CEACAM3: variants seen among roughly 807,000 people sequenced by gnomAD.
CEACAM3 encodes the protein CEA cell adhesion molecule 3, also known as cell adhesion molecule CEACAM3.
Under a neutral mutation model 30.1 loss-of-function variants are expected in CEACAM3, and 32 were observed. The ratio of observed to expected loss-of-function variants is 1.06; its 90% CI spans 0.80 to 1.43. The LOEUF is 1.43. Ranked by LOEUF, CEACAM3 falls within the 40% of genes most tolerant of loss-of-function variation. CEACAM3 has a pLI of 0.00. For missense variants in CEACAM3, 290 were observed against 316.3 expected, an observed-to-expected ratio of 0.92 and a Z score of 0.63; for synonymous variants, 134 against 127.2, an observed-to-expected ratio of 1.05 and a Z score of -0.36.
intron 1 of CEACAM3, 102 bp from the exon 2 acceptor site, chr19:41,797,487 C>A: frequency 6.8e-7 from 1 of 1,461,216 alleles, no homozygotes; most frequent in South Asian, 1.3e-5. Context: ...CACATACACT[C>A]TCCAAGGCTG....
At position 41,796,598 on chromosome 19, in the gene CEACAM3, A is replaced by G; in HGVS notation, c.-80A>G. 2 of 1,531,684 alleles carry G rather than the reference A, an allele frequency of 1.3e-6. No individual in the cohort carries two copies. The highest frequency in any genetic ancestry group is 1.7e-5 in the Admixed American group (1 of 59,022). The allele number at this position is 1,531,684 out of a possible 1,614,324, so 94.9% of individuals were successfully genotyped here. A position where few individuals can be genotyped will look rare whatever the true frequency, so the allele number is the denominator to read the frequency against. ...GAAAGAGGAAGGACAGCAGAGCCTA[A>G]GTCACAGTAGCCCTGACTACAGCAT... is the stretch of plus-strand genomic sequence containing the variant. On this transcript the variant is annotated 5_prime_UTR_variant, in exon 1 of 7. Coordinates refer to ENST00000357396, the MANE Select transcript of CEACAM3 (RefSeq NM_001815.5).
At chr19:41,800,809 A>G (rs1287773510) in intron 2 of CEACAM3, among the ~76,000 whole-genome samples, 21 of 152,132 alleles carry the variant, frequency 1.4e-4, no homozygotes, top group Admixed American at 1.1e-3. Flanking sequence ...TTTGCTTTGT[A>G]TCCAATAAAT....
chr19:41,807,703 G>A, intron 2 of CEACAM3: 2 of 951,572 alleles, frequency 2.1e-6, no homozygotes, highest in Non-Finnish European at 2.7e-6. Context: ...GGACACTGTG[G>A]CTCTTCCACA....
intron 2 of CEACAM3, among the ~76,000 whole-genome samples, chr19:41,803,628 G>T (rs1401664295): frequency 1.3e-5 from 2 of 151,854 alleles, no homozygotes; most frequent in Non-Finnish European, 1.5e-5. Flanking sequence ...CACCATGCCC[G>T]GCTAATTTTT....
chr19:41,808,739 T>C lies in CEACAM3; in HGVS notation c.425-74T>C, dbSNP rs1158421870. 3.3e-6 allele frequency: 4 copies of C among 1,202,352 alleles called. No individual in the cohort carries two copies. The African/African-American group carries it at 6.1e-5, about 18-fold the overall frequency. 74.5% of individuals were successfully genotyped at this position (1,202,352 alleles called of 1,614,324 possible). Reference sequence around the variant, plus strand: ...CTCCTTCTTCCCTGACTGCACACCTTCCCTGCAAGGCCCCTGTGGTTTCCT... The same window carrying C: ...CTCCTTCTTCCCTGACTGCACACCTCCCCTGCAAGGCCCCTGTGGTTTCCT... On this transcript the variant is annotated intron_variant, in intron 2 of 6. Coordinates refer to ENST00000357396, the MANE Select transcript of CEACAM3 (RefSeq NM_001815.5).
Position 41,811,084 on chromosome 19 carries a change from C to T in CEACAM3, c.694-88C>T, listed in dbSNP as rs376899344. 6.9e-5 allele frequency: 100 copies of T among 1,446,032 alleles called. 3 individuals carry two copies. The East Asian group carries it at 7.1e-4, about 10-fold the overall frequency. The allele number at this position is 1,446,032 out of a possible 1,614,324, so 89.6% of individuals were successfully genotyped here. ...AGCACAGCCAGGTTCAGCCCCAGAG[C>T]AGCCCTGGATGGGCCCAGAGCCTGG... On this transcript the variant is annotated intron_variant, in intron 6 of 6. Transcript: ENST00000357396.
At chr19:41,806,382 C>T (rs1035645098) in intron 2 of CEACAM3, among the ~76,000 whole-genome samples, 13 of 151,970 alleles carry the variant, frequency 8.6e-5, no homozygotes, top group Non-Finnish European at 1.5e-4. Context: ...CCATGATATA[C>T]CTGGAAAGAA....
In CEACAM3 at chr19:41,796,797, G is replaced by C. The variant is rs1000710039; in HGVS notation, c.64+56G>C. ...AGGAGGGATCACAGAGAATGGCTGG[G>C]GTCTCCTGGGGAGGATGGGGCTCTG... On this transcript the variant is annotated intron_variant, in intron 1 of 6. Transcript: ENST00000357396. 1.9e-6 allele frequency: 3 copies of C among 1,559,128 alleles called. No individual in the cohort carries two copies. The East Asian group carries it at 6.8e-5, about 35-fold the overall frequency.
chr19:41,803,434 G>A (rs1428681292), intron 2 of CEACAM3, among the ~76,000 whole-genome samples: 1 of 140,770 alleles, frequency 7.1e-6, no homozygotes, highest in African/African-American at 2.5e-5. Flanking sequence ...GTATGTGTGT[G>A]TGTGTGTGTG....
At chr19:41,810,978 T>A in intron 6 of CEACAM3, 81 bp downstream of exon 6, 1 of 1,412,228 alleles carries the variant, frequency 7.1e-7, no homozygotes, top group Non-Finnish European at 9.9e-7. Flanking sequence ...GGCTGAGCTC[T>A]GAGATTCAGG....
chr19:41,809,778 C>G, intron 3 of CEACAM3, 187 bp from the exon 4 acceptor site: 1 of 652,872 alleles, frequency 1.5e-6, no homozygotes. Flanking sequence ...CTGCTCAGGA[C>G]AGATGTGGGT....
rs1393633155 is a variant in CEACAM3, at chr19:41,811,415, C to T, written c.*178C>T. 8 of 615,770 alleles carry T rather than the reference C, an allele frequency of 1.3e-5. No homozygotes were observed. The highest frequency in any genetic ancestry group is 7.4e-5 in the African/African-American group (4 of 54,360). 38.1% of individuals were successfully genotyped at this position (615,770 alleles called of 1,614,324 possible). On this transcript the variant is annotated 3_prime_UTR_variant, in exon 7 of 7. Transcript: ENST00000357396. ...GATGAATATCTGGAGACCTCGACAG[C>T]CTGCCCTAGGCCCTGGGTGGGTCAG...
At position 41,797,580 on chromosome 19, in the gene CEACAM3, C is replaced by G. The variant is rs550196605; in HGVS notation, c.65-9C>G. 1.2e-6 allele frequency: 2 copies of G among 1,608,034 alleles called. No homozygotes were observed. The highest frequency in any genetic ancestry group is 4.5e-5 in the East Asian group (2 of 44,832). On this transcript the variant is annotated splice_polypyrimidine_tract_variant and intron_variant, in intron 1 of 6. Coordinates refer to ENST00000357396, the MANE Select transcript of CEACAM3 (RefSeq NM_001815.5). ...GTCCCAATATTGACTGATGCTTTCT[C>G]CCTCCTAGCCTCACTTCTAAACTTC... is the stretch of plus-strand genomic sequence containing the variant.
At chr19:41,799,554 T>C (rs1429454117) in intron 2 of CEACAM3, among the ~76,000 whole-genome samples, 1 of 152,152 alleles carries the variant, frequency 6.6e-6, no homozygotes, top group Non-Finnish European at 1.5e-5. Context: ...AACCTAGAAC[T>C]AAATCCCTTG....
chr19:41,809,043 C>G (rs2073227534), intron 3 of CEACAM3, 113 bp downstream of exon 3: 2 of 746,756 alleles, frequency 2.7e-6, no homozygotes, highest in Non-Finnish European at 4.4e-6. Flanking sequence ...CCCAAGTCCC[C>G]AGGGATCCTT....
chr19:41,805,285 CTTTTTTT>C (rs782317671), intron 2 of CEACAM3, among the ~76,000 whole-genome samples: 2 of 105,054 alleles, frequency 1.9e-5, no homozygotes, highest in African/African-American at 7.2e-5. Context: ...CTTTTTTCTT[CTTTTTTT>C]TTTTTTTTTT....
At position 41,811,255 on chromosome 19, in the gene CEACAM3, T is replaced by G; in HGVS notation, c.*18T>G. 1 of 1,610,900 alleles carries G rather than the reference T, an allele frequency of 6.2e-7. No homozygotes were observed. The highest frequency in any genetic ancestry group is 1.1e-5 in the South Asian group (1 of 90,974). On this transcript the variant is annotated 3_prime_UTR_variant, in exon 7 of 7. Coordinates refer to ENST00000357396, the MANE Select transcript of CEACAM3 (RefSeq NM_001815.5). ...CTTCTTAGCTTCCTCCAGGAGCTGCTCCTGTGTGTTGATGGAGAGTCCCCA... is the reference window on the plus strand; with the variant it reads ...CTTCTTAGCTTCCTCCAGGAGCTGCGCCTGTGTGTTGATGGAGAGTCCCCA...
At position 41,796,669 on chromosome 19, in the gene CEACAM3, G is replaced by A. The variant is rs781926307; in HGVS notation, c.-9G>A. 6.2e-7 allele frequency: 1 copy of A among 1,614,200 alleles called. No homozygotes were observed. The highest frequency in any genetic ancestry group is 8.5e-7 in the Non-Finnish European group (1 of 1,180,012). The stretch of plus-strand genomic sequence containing the variant: ...TCCACAGAGGAGGAAAGAGCAGGCA[G>A]CAGAGACCATGGGGCCCCCCTCAGC... On this transcript the variant is annotated 5_prime_UTR_variant, in exon 1 of 7. Coordinates refer to ENST00000357396, the MANE Select transcript of CEACAM3 (RefSeq NM_001815.5).
chr19:41,803,744 GC>G (rs2073175391), intron 2 of CEACAM3, among the ~76,000 whole-genome samples: 2 of 85,290 alleles, frequency 2.3e-5, no homozygotes, highest in Non-Finnish European at 3.4e-5. Flanking sequence ...GGGATTACAG[GC>G]ATGAGCCACC....
Sources: allele counts gnomAD v4.1 joint callset (sites outside exome capture counted in the v4.1 genomes callset), GRCh38; gene constraint gnomAD v4.1.1; transcripts MANE v1.5; gene names NCBI Gene and HGNC (gene_info 2026-07-23, HGNC 2026-07-21).